TSPAN3: variants seen among roughly 807,000 people sequenced by gnomAD.
TSPAN3 encodes the protein tetraspanin 3.
Under a neutral mutation model 31.1 loss-of-function variants are expected in TSPAN3, and 9 were observed. That is an observed-to-expected ratio of 0.29 (90% CI 0.17 to 0.50). The LOEUF is 0.50. Among genes scored for constraint, TSPAN3 ranks in the 20% least tolerant of loss-of-function variants. The probability of loss-of-function intolerance (pLI) is 0.98; values close to 1 mark genes in which losing one functional copy is unlikely to be tolerated. For missense variants in TSPAN3, 252 were observed against 313.5 expected (o/e 0.80, Z 1.48); for synonymous variants, 129 against 114.3 (o/e 1.13, Z -0.82).
chr15:77,058,364 T>C (rs921650925), intron 1 of TSPAN3, among the ~76,000 whole-genome samples: 1 of 152,204 alleles, frequency 6.6e-6, no homozygotes, highest in African/African-American at 2.4e-5. Flanking sequence ...ATGGACCACA[T>C]ATTCTCTCAC....
chr15:77,050,045 C>A (rs2076720175), intron 6 of TSPAN3, among the ~76,000 whole-genome samples: 1 of 152,138 alleles, frequency 6.6e-6, no homozygotes, highest in African/African-American at 2.4e-5. Flanking sequence ...ACAAAGAGGG[C>A]CAAGACTGGA....
At position 77,052,409 on chromosome 15, in the gene TSPAN3, G is replaced by A. The variant is rs755700487; in HGVS notation, c.645C>T (p.Ala215=). 1.2e-4 allele frequency: 187 copies of A among 1,614,030 alleles called. No homozygotes were observed. The highest frequency in any genetic ancestry group is 1.5e-4 in the Non-Finnish European group (172 of 1,180,028). ...LQEIMMHVIW[A]ALAFAAIQLL... is the part of the protein sequence containing the mutation. ...CCTGAATAGCTGCAAATGCCAGTGC[G>A]GCCCAGATCACATGCATCATGATTT... Residue 215 remains alanine, a synonymous_variant, in exon 6 of 7, where the codon GCC becomes GCT. Coordinates refer to ENST00000267970, the MANE Select transcript of TSPAN3 (RefSeq NM_005724.6).
At position 77,043,867 on chromosome 15, in the gene TSPAN3, A is replaced by G. The variant is rs2152694361; in HGVS notation, c.*2968T>C. On this transcript the variant is annotated 3_prime_UTR_variant, in exon 7 of 7. Transcript: ENST00000267970. ...GTACCCACTGAGGTATTAGGGGTAA[A>G]AGGCCATGACAGGTGTGGAGGCAGC... 1 of 152,394 alleles carries G rather than the reference A, an allele frequency of 6.6e-6. No homozygotes were observed. Among genetic ancestry groups the G allele is most frequent in the South Asian group, 2.1e-4 (1 of 4,820 alleles). 9.4% of individuals were successfully genotyped at this position (152,394 alleles called of 1,614,324 possible). A position where few individuals can be genotyped will look rare whatever the true frequency, so the allele number is the denominator to read the frequency against.
chr15:77,057,508 G>C (rs981937710), intron 1 of TSPAN3, among the ~76,000 whole-genome samples: 1 of 152,140 alleles, frequency 6.6e-6, no homozygotes, highest in Admixed American at 6.5e-5. Context: ...GGAAGAAAAA[G>C]ACTCCATTTA....
chr15:77,049,884 T>C (rs1052016729), intron 6 of TSPAN3, among the ~76,000 whole-genome samples: 1 of 152,228 alleles, frequency 6.6e-6, no homozygotes, highest in African/African-American at 2.4e-5. Context: ...AACTGTCAGG[T>C]TTCCTGACAA....
intron 2 of TSPAN3, 27 bp downstream of exon 2, chr15:77,056,037 C>G (rs1221941684): frequency 1.0e-5 from 16 of 1,581,146 alleles, no homozygotes; most frequent in Non-Finnish European, 1.4e-5. Flanking sequence ...ACTAAATACT[C>G]CTGCATGTTC....
At chr15:77,050,740 G>T (rs1035570589) in intron 6 of TSPAN3, among the ~76,000 whole-genome samples, 1 of 152,184 alleles carries the variant, frequency 6.6e-6, no homozygotes, top group African/African-American at 2.4e-5. Flanking sequence ...TTAGCTAAAT[G>T]AATGTGTTTG....
At chr15:77,067,805 G>A (rs186449964) in intron 1 of TSPAN3, 6 of 152,140 alleles carry the variant, frequency 3.9e-5, no homozygotes, top group Non-Finnish European at 8.8e-5. Context: ...TCTAATTTTA[G>A]CAATCTCAAA....
chr15:77,066,690 GC>G (rs911228024), intron 1 of TSPAN3, among the ~76,000 whole-genome samples: 122 of 146,698 alleles, frequency 8.3e-4, no homozygotes, highest in African/African-American at 3.0e-3. Context: ...TATATTTAAA[GC>G]CTCATCATTC....
At chr15:77,063,781 G>A (rs1291040836) in intron 1 of TSPAN3, 1 of 152,172 alleles carries the variant, frequency 6.6e-6, no homozygotes, top group African/African-American at 2.4e-5. Flanking sequence ...AGAAACTGGA[G>A]ATTAACCAAT....
Position 77,045,278 on chromosome 15 carries a change from CCAAA to C in TSPAN3, c.*1553_*1556del, listed in dbSNP as rs1489037675. On this transcript the variant is annotated 3_prime_UTR_variant, in exon 7 of 7. Coordinates refer to ENST00000267970, the MANE Select transcript of TSPAN3 (RefSeq NM_005724.6). Reference sequence around the variant, plus strand: ...ATCGAATTCCACCACTGTCCTGCCTCCAAACAGCCAGAATCCACCGCTCACCACC... The same window carrying C: ...ATCGAATTCCACCACTGTCCTGCCTCCAGCCAGAATCCACCGCTCACCACC... 1 of 152,808 alleles carries C rather than the reference CCAAA, an allele frequency of 6.5e-6. No homozygotes were observed. Among genetic ancestry groups the C allele is most frequent in the African/African-American group, 2.4e-5 (1 of 41,448 alleles). The allele number at this position is 152,808 out of a possible 1,614,324, so 9.5% of individuals were successfully genotyped here.
At chr15:77,060,232 T>C (rs1303399559) in intron 1 of TSPAN3, among the ~76,000 whole-genome samples, 1 of 152,246 alleles carries the variant, frequency 6.6e-6, no homozygotes, top group Non-Finnish European at 1.5e-5. Context: ...ATTGCTGATA[T>C]GAAACTATAC....
chr15:77,067,192 C>T (rs1366919500), intron 1 of TSPAN3, among the ~76,000 whole-genome samples: 1 of 152,116 alleles, frequency 6.6e-6, no homozygotes, highest in Non-Finnish European at 1.5e-5. Flanking sequence ...ACATTCTAAC[C>T]ATAGCAGGAG....
Position 77,045,616 on chromosome 15 carries a change from T to A in TSPAN3, c.*1219A>T, listed in dbSNP as rs1265169173. Reference sequence around the variant, plus strand: ...TTTTGTTTCACACTCTTGTGTACCATCTTTCAACAAAGCCTATCCAGCCTC... The same window carrying A: ...TTTTGTTTCACACTCTTGTGTACCAACTTTCAACAAAGCCTATCCAGCCTC... On this transcript the variant is annotated 3_prime_UTR_variant, in exon 7 of 7. Transcript: ENST00000267970. The A allele has an allele frequency of 6.6e-6, 1 of 152,300 alleles. No homozygotes were observed. The highest frequency in any genetic ancestry group is 1.5e-5 in the Non-Finnish European group (1 of 68,130). 9.4% of individuals were successfully genotyped at this position (152,300 alleles called of 1,614,324 possible). A position where few individuals can be genotyped will look rare whatever the true frequency, so the allele number is the denominator to read the frequency against.
chr15:77,056,507 A>G (rs2076769717), intron 1 of TSPAN3, among the ~76,000 whole-genome samples: 1 of 151,994 alleles, frequency 6.6e-6, no homozygotes, highest in Non-Finnish European at 1.5e-5. Context: ...AAATAATAAC[A>G]ATGATGATGA....
chr15:77,052,487 T>A lies in TSPAN3; in HGVS notation c.586-19A>T, dbSNP rs368936290. 208 of 1,608,058 alleles carry A rather than the reference T, an allele frequency of 1.3e-4. No homozygotes were observed. The highest frequency in any genetic ancestry group is 7.7e-4 in the Admixed American group (46 of 60,020). ...CACACCCCTGTAACAAACACAGTCA[T>A]CCTCGTTAGAAGTGTTCTTTAAAAG... On this transcript the variant is annotated intron_variant, in intron 5 of 6. Coordinates refer to ENST00000267970, the MANE Select transcript of TSPAN3 (RefSeq NM_005724.6).
chr15:77,071,011 A>C lies in TSPAN3; in HGVS notation c.-57T>G. 3.9e-6 allele frequency: 5 copies of C among 1,275,856 alleles called. No homozygotes were observed. Among genetic ancestry groups the C allele is most frequent in the Non-Finnish European group, 5.1e-6 (5 of 982,766 alleles). The allele number at this position is 1,275,856 out of a possible 1,614,324, so 79.0% of individuals were successfully genotyped here. On this transcript the variant is annotated 5_prime_UTR_variant, in exon 1 of 7. Coordinates refer to ENST00000267970, the MANE Select transcript of TSPAN3 (RefSeq NM_005724.6). ...AGAGCGGGGCTGCGCTCACCGAGAG[A>C]GCGGCAATGGCGGCGGCGCCTCCTC... is the stretch of plus-strand genomic sequence containing the variant.
At chr15:77,051,415 C>A (rs2076730047) in intron 6 of TSPAN3, among the ~76,000 whole-genome samples, 1 of 151,726 alleles carries the variant, frequency 6.6e-6, no homozygotes, top group Non-Finnish European at 1.5e-5. Flanking sequence ...GTAATCCCAG[C>A]TACTTGGGAA....
At chr15:77,061,533 A>T (rs1162938783) in intron 1 of TSPAN3, among the ~76,000 whole-genome samples, 2 of 152,180 alleles carry the variant, frequency 1.3e-5, no homozygotes, top group African/African-American at 2.4e-5. Context: ...AGTCTCAAAA[A>T]ATTAAAAAAA....
Sources: gnomAD v4.1 joint callset for allele counts (sites outside exome capture counted in the v4.1 genomes callset) on GRCh38, gnomAD v4.1.1 for gene constraint, MANE v1.5 for transcripts, NCBI Gene and HGNC (gene_info 2026-07-23, HGNC 2026-07-21) for gene names.